PPARGC1A: variants seen among roughly 807,000 people sequenced by gnomAD.
PPARGC1A encodes the protein peroxisome proliferator-activated receptor gamma coactivator 1-alpha.
Under a neutral mutation model 88.7 loss-of-function variants are expected in PPARGC1A, and 25 were observed. The observed-to-expected ratio is 0.28, with a 90% CI of 0.21 to 0.39. The LOEUF is 0.39. PPARGC1A is among the 10% of genes least tolerant of loss of function. The pLI is 1.00. For missense variants in PPARGC1A, 880 were observed against 968.7 expected (o/e 0.91, Z 1.22); for synonymous variants, 363 against 355.6 (o/e 1.02, Z -0.24).
the PPARGC1A span, among the ~76,000 whole-genome samples, chr4:24,228,066 A>C: frequency 6.6e-6 from 1 of 152,104 alleles, no homozygotes; most frequent in African/African-American, 2.4e-5. Flanking sequence ...CATCTCGGGC[A>C]CCAGCTACTC....
chr4:24,122,078 C>T, the PPARGC1A span, among the ~76,000 whole-genome samples: 1 of 152,034 alleles, frequency 6.6e-6, no homozygotes, highest in East Asian at 1.9e-4. Flanking sequence ...GGGAAGTGGA[C>T]AGCAAAGGGT....
the PPARGC1A span, among the ~76,000 whole-genome samples, chr4:23,913,253 T>TA: frequency 7.0e-5 from 3 of 42,648 alleles, no homozygotes; most frequent in East Asian, 1.1e-3. Flanking sequence ...TATATATATA[T>TA]ATATATATAT....
At chr4:24,036,685 C>A in the PPARGC1A span, among the ~76,000 whole-genome samples, 7 of 151,304 alleles carry the variant, frequency 4.6e-5, no homozygotes, top group Non-Finnish European at 8.8e-5. Flanking sequence ...AACAGACAGA[C>A]AAATTGATAA....
chr4:24,011,924 G>A, the PPARGC1A span, among the ~76,000 whole-genome samples: 5 of 152,126 alleles, frequency 3.3e-5, no homozygotes, highest in African/African-American at 4.8e-5. Flanking sequence ...AATAACAAGC[G>A]TTATAATTTA....
At chr4:24,127,424 T>C in the PPARGC1A span, among the ~76,000 whole-genome samples, 1 of 152,034 alleles carries the variant, frequency 6.6e-6, no homozygotes, top group Non-Finnish European at 1.5e-5. Context: ...GAAGTATTGT[T>C]TAGAAATATG....
At chr4:23,894,353 C>T (rs949927888), upstream of PPARGC1A, among the ~76,000 whole-genome samples, 2 of 151,922 alleles carry the variant, frequency 1.3e-5, no homozygotes, top group South Asian at 2.1e-4. Context: ...ATGCTTTGGG[C>T]CTCTGGTTAG....
At chr4:23,797,495 C>T (rs868058789) in intron 12 of PPARGC1A, among the ~76,000 whole-genome samples, 1 of 152,160 alleles carries the variant, frequency 6.6e-6, no homozygotes, top group African/African-American at 2.4e-5. Flanking sequence ...CAGGGACATA[C>T]ACACATACCT....
chr4:23,964,051 C>G, the PPARGC1A span, among the ~76,000 whole-genome samples: 1 of 152,150 alleles, frequency 6.6e-6, no homozygotes, highest in East Asian at 1.9e-4. Context: ...TGTGGAGATT[C>G]TATGAGATTA....
the PPARGC1A span, among the ~76,000 whole-genome samples, chr4:24,258,953 G>A: frequency 6.6e-6 from 1 of 152,138 alleles, no homozygotes; most frequent in African/African-American, 2.4e-5. Flanking sequence ...AAATGTATAT[G>A]ACATAGGTCC....
At chr4:24,177,803 T>C in the PPARGC1A span, among the ~76,000 whole-genome samples, 5 of 152,088 alleles carry the variant, frequency 3.3e-5, no homozygotes, top group African/African-American at 9.7e-5. Flanking sequence ...GGAATCTACC[T>C]TCTGAAGAAA....
At chr4:24,119,913 A>G in the PPARGC1A span, among the ~76,000 whole-genome samples, 2 of 152,248 alleles carry the variant, frequency 1.3e-5, no homozygotes, top group East Asian at 1.9e-4. Context: ...TAAAAGCTTT[A>G]TTAGCCATCA....
the PPARGC1A span, among the ~76,000 whole-genome samples, chr4:23,998,350 T>C: frequency 6.6e-6 from 1 of 152,204 alleles, no homozygotes; most frequent in Admixed American, 6.5e-5. Context: ...TTGCAGTCAA[T>C]ATTACCTTTC....
At chr4:24,088,842 C>T in the PPARGC1A span, among the ~76,000 whole-genome samples, 41 of 152,126 alleles carry the variant, frequency 2.7e-4, 1 homozygote, top group East Asian at 7.9e-3. Flanking sequence ...GATGGCATAG[C>T]AACAAAAGTG....
the PPARGC1A span, among the ~76,000 whole-genome samples, chr4:24,277,115 C>A: frequency 4.6e-5 from 7 of 152,112 alleles, no homozygotes; most frequent in Admixed American, 3.3e-4. Context: ...TGTTTTGAGG[C>A]AGGGTCTCGC....
At chr4:24,084,276 G>C in the PPARGC1A span, among the ~76,000 whole-genome samples, 1 of 152,114 alleles carries the variant, frequency 6.6e-6, no homozygotes, top group Non-Finnish European at 1.5e-5. Flanking sequence ...TAGAAGTTAG[G>C]GATAATAAGC....
At chr4:24,200,655 C>CAAAAAAAA in the PPARGC1A span, among the ~76,000 whole-genome samples, 1,346 of 88,222 alleles carry the variant, frequency 0.015, 187 homozygotes, top group East Asian at 0.049. Flanking sequence ...ATTTATTAAG[C>CAAAAAAAA]AAAAAAAAAA....
At chr4:24,338,784 C>T in the PPARGC1A span, among the ~76,000 whole-genome samples, 2 of 151,806 alleles carry the variant, frequency 1.3e-5, no homozygotes, top group African/African-American at 2.4e-5. Flanking sequence ...CCAACAAAAG[C>T]ACAAAGCTTG....
the PPARGC1A span, among the ~76,000 whole-genome samples, chr4:23,947,026 A>G: frequency 1.3e-5 from 2 of 152,068 alleles, no homozygotes; most frequent in East Asian, 3.9e-4. Flanking sequence ...GCCCCTGGCT[A>G]TTGAAGCATG....
At chr4:23,959,968 CA>C in the PPARGC1A span, among the ~76,000 whole-genome samples, 4 of 152,242 alleles carry the variant, frequency 2.6e-5, no homozygotes, top group Admixed American at 2.6e-4. Context: ...TAAACTTGGT[CA>C]GCCTGGGCAA....
Sources: gnomAD v4.1 joint callset for allele counts (sites outside exome capture counted in the v4.1 genomes callset) on GRCh38, gnomAD v4.1.1 for gene constraint, MANE v1.5 for transcripts, NCBI Gene and HGNC (gene_info 2026-07-23, HGNC 2026-07-21) for gene names.